Variants in PPP1R12B observed in about 807,000 individuals in gnomAD.
PPP1R12B encodes the protein protein phosphatase 1 regulatory subunit 12B, also known as myosin phosphatase target subunit 2.
Under a neutral mutation model 126.1 loss-of-function variants are expected in PPP1R12B, and 76 were observed. The observed-to-expected ratio is 0.60, with a 90% CI of 0.50 to 0.73. The LOEUF is 0.73. Among genes scored for constraint, PPP1R12B ranks in the 30% least tolerant of loss-of-function variants. The pLI is 0.00. For synonymous variants in PPP1R12B, 356 were observed against 434.7 expected (o/e 0.82, Z 2.25); for missense variants, 1,052 against 1,205.1 (o/e 0.87, Z 1.88).
At chr1:202,515,144 G>A (rs1458112277) in intron 18 of PPP1R12B, among the ~76,000 whole-genome samples, 1 of 152,158 alleles carries the variant, frequency 6.6e-6, no homozygotes, top group Non-Finnish European at 1.5e-5. Context: ...GTCTACTTGA[G>A]GGAGGAGGGT....
chr1:202,452,235 G>A (rs1338575413), intron 13 of PPP1R12B, among the ~76,000 whole-genome samples: 5 of 152,080 alleles, frequency 3.3e-5, no homozygotes, highest in African/African-American at 7.2e-5. Context: ...CCGAGATCAC[G>A]CCACTGCACT....
intron 8 of PPP1R12B, among the ~76,000 whole-genome samples, chr1:202,432,802 A>G (rs1471885270): frequency 6.6e-6 from 1 of 152,228 alleles, no homozygotes; most frequent in Non-Finnish European, 1.5e-5. Flanking sequence ...AGGGTCACAC[A>G]TTAAGTTTAC....
chr1:202,422,056 A>G, intron 2 of PPP1R12B, among the ~76,000 whole-genome samples: 1 of 152,276 alleles, frequency 6.6e-6, no homozygotes, highest in East Asian at 1.9e-4. Flanking sequence ...TTGAATTATC[A>G]GACCTTTCTT....
At position 202,542,701 on chromosome 1, in the gene PPP1R12B, T is replaced by C. The variant is rs575371388; in HGVS notation, c.2491-16176T>C. Among the ~76,000 whole-genome samples, 3 of 152,324 alleles carry C rather than the reference T, an allele frequency of 2.0e-5. 1 individual carries two copies. Among genetic ancestry groups the C allele is most frequent in the African/African-American group, 7.2e-5 (3 of 41,568 alleles). On this transcript the variant is annotated intron_variant, in intron 18 of 23. Transcript: ENST00000608999. ...TGGTTCTCAAATCCCAGTCATACTC[T>C]CTGGGACCATGGAGCCCACAGAACC... is the stretch of plus-strand genomic sequence containing the variant.
At chr1:202,359,128 A>G (rs1260585065) in intron 1 of PPP1R12B, among the ~76,000 whole-genome samples, 4 of 152,028 alleles carry the variant, frequency 2.6e-5, no homozygotes, top group African/African-American at 7.3e-5. Context: ...TTTATAGCCA[A>G]TCCTAGATAT....
chr1:202,557,447 GA>G (rs1687069307), intron 18 of PPP1R12B, among the ~76,000 whole-genome samples: 2 of 152,244 alleles, frequency 1.3e-5, no homozygotes, highest in Admixed American at 1.3e-4. Flanking sequence ...TGTGGGACAG[GA>G]AAAATGCCTG....
intron 1 of PPP1R12B, among the ~76,000 whole-genome samples, chr1:202,412,169 A>G (rs1312945222): frequency 7.2e-5 from 11 of 152,168 alleles, no homozygotes; most frequent in African/African-American, 2.4e-4. Context: ...TTTTGTATCA[A>G]ACTGGCTGTA....
chr1:202,417,172 A>G (rs1668185710), intron 2 of PPP1R12B: 1 of 890,538 alleles, frequency 1.1e-6, no homozygotes, highest in Non-Finnish European at 1.3e-6. Context: ...TGGGATATGC[A>G]GAGGTGGCTG....
chr1:202,382,917 T>C (rs1327259029), intron 1 of PPP1R12B, among the ~76,000 whole-genome samples: 1 of 151,668 alleles, frequency 6.6e-6, no homozygotes, highest in Non-Finnish European at 1.5e-5. Flanking sequence ...GTATATAAAA[T>C]CCAAGAGTAC....
At chr1:202,443,093 C>G in intron 12 of PPP1R12B, 1 of 983,022 alleles carries the variant, frequency 1.0e-6, no homozygotes, top group Non-Finnish European at 1.2e-6. Context: ...TCAGATCCAT[C>G]AAGATGTGAA....
chr1:202,529,208 A>G (rs1332245028), intron 18 of PPP1R12B, among the ~76,000 whole-genome samples: 2 of 152,040 alleles, frequency 1.3e-5, no homozygotes, highest in Non-Finnish European at 2.9e-5. Context: ...TACATTGCAT[A>G]TGTCAGAAGT....
intron 14 of PPP1R12B, among the ~76,000 whole-genome samples, chr1:202,491,944 C>G (rs995134233): frequency 6.6e-6 from 1 of 152,066 alleles, no homozygotes; most frequent in South Asian, 2.1e-4. Flanking sequence ...CTAAAATCAC[C>G]TATCCTCATT....
chr1:202,497,819 T>G (rs1214182708), intron 18 of PPP1R12B, among the ~76,000 whole-genome samples: 1 of 152,204 alleles, frequency 6.6e-6, no homozygotes, highest in African/African-American at 2.4e-5. Context: ...TGTATGTGTA[T>G]GAATTATAGC....
intron 1 of PPP1R12B, among the ~76,000 whole-genome samples, chr1:202,396,683 G>A (rs1665030133): frequency 6.6e-6 from 1 of 152,152 alleles, no homozygotes; most frequent in African/African-American, 2.4e-5. Flanking sequence ...GCAAGGCTTG[G>A]CTCACTGCAA....
intron 10 of PPP1R12B, among the ~76,000 whole-genome samples, chr1:202,440,168 C>A (rs570471356): frequency 1.8e-4 from 27 of 152,114 alleles, no homozygotes; most frequent in Admixed American, 3.9e-4. Flanking sequence ...ATAGGACTCT[C>A]TTTGTGCTTT....
At chr1:202,521,798 C>T (rs1162861522) in intron 18 of PPP1R12B, among the ~76,000 whole-genome samples, 2 of 152,118 alleles carry the variant, frequency 1.3e-5, no homozygotes, top group African/African-American at 4.8e-5. Context: ...ATAATAATAA[C>T]AATAACTGCA....
chr1:202,353,049 A>G (rs1419305886), intron 1 of PPP1R12B, among the ~76,000 whole-genome samples: 1 of 152,194 alleles, frequency 6.6e-6, no homozygotes, highest in Non-Finnish European at 1.5e-5. Flanking sequence ...GGAGGCTAAA[A>G]TCACGTATTT....
chr1:202,402,693 G>A (rs1467731162), intron 1 of PPP1R12B, among the ~76,000 whole-genome samples: 3 of 152,188 alleles, frequency 2.0e-5, no homozygotes. Flanking sequence ...CAGTGCTGAG[G>A]TCAGAGCAAT....
chr1:202,470,775 T>G (rs569529510), intron 13 of PPP1R12B, among the ~76,000 whole-genome samples: 1 of 152,076 alleles, frequency 6.6e-6, no homozygotes, highest in East Asian at 1.9e-4. Flanking sequence ...CCTGGGAGCC[T>G]GTGCCTGTAA....
Sources: gnomAD v4.1 joint callset for allele counts (sites outside exome capture counted in the v4.1 genomes callset) on GRCh38, gnomAD v4.1.1 for gene constraint, MANE v1.5 for transcripts, NCBI Gene and HGNC (gene_info 2026-07-23, HGNC 2026-07-21) for gene names.